The following NXF3 variants were observed in gnomAD, a reference collection of about 807,000 sequenced individuals.
The protein encoded by NXF3 is TAP-like protein 3.
NXF3 carries 34 observed loss-of-function variants against 48.4 expected under a neutral mutation model. The observed-to-expected ratio is 0.70, with a 90% CI of 0.53 to 0.93. NXF3 has a LOEUF of 0.93. NXF3 is among the 40% of genes least tolerant of loss of function. NXF3 has a pLI of 0.00. For synonymous variants in NXF3, 132 were observed against 145.7 expected, an observed-to-expected ratio of 0.91 and a Z score of 0.68; for missense variants, 359 against 406.1, an observed-to-expected ratio of 0.88 and a Z score of 1.00.
intron 1 of NXF3, chrX:103,089,270 G>T: frequency 2.0e-6 from 1 of 494,140 alleles, no homozygotes; most frequent in South Asian, 3.0e-5. Context: ...CCTTGGATTC[G>T]GTTATGTAAA....
rs751020492 is a variant in NXF3 at position 103,088,742 on chromosome X, ACAGT to A, written c.29-3863_29-3860del. ...TTAATATTTGTAGGAAATCTTTTAG[ACAGT>A]CAGCTCACTTAAAAAGACATGAACA... On this transcript the variant is annotated intron_variant, in intron 1 of 19. Transcript: ENST00000395065. 824 of 1,079,139 alleles carry A rather than the reference ACAGT, an allele frequency of 7.6e-4. 4 individuals carry two copies. The African/African-American group carries it at 0.013, about 17-fold the overall frequency. The allele number at this position is 1,079,139 out of a possible 1,213,427, so 88.9% of individuals were successfully genotyped here.
chrX:103,089,164 A>C (rs1278922798), intron 1 of NXF3: 1 of 747,714 alleles, frequency 1.3e-6, no homozygotes, highest in Non-Finnish European at 2.1e-6. Flanking sequence ...AAACTATTTG[A>C]ATGCTCAGTT....
Position 103,093,049 on chromosome X carries a change from C to T in NXF3, c.-26G>A, listed in dbSNP as rs1401547590. 2 of 1,194,244 alleles carry T rather than the reference C, an allele frequency of 1.7e-6. No individual in the cohort carries two copies. Among genetic ancestry groups the T allele is most frequent in the Non-Finnish European group, 2.3e-6 (2 of 880,333 alleles). ...TTTACCAATGTCCTTATAGGGCTCTCTTGAGGAGAATCTGTGTGGCCTGGG... is the reference window on the plus strand; with the variant it reads ...TTTACCAATGTCCTTATAGGGCTCTTTTGAGGAGAATCTGTGTGGCCTGGG... On this transcript the variant is annotated 5_prime_UTR_variant, in exon 1 of 20. Transcript: ENST00000395065.
chrX:103,078,743 A>G, intron 16 of NXF3, 111 bp from the exon 17 acceptor site: 2 of 1,115,539 alleles, frequency 1.8e-6, no homozygotes, highest in Non-Finnish European at 2.5e-6. Flanking sequence ...GGGCCAGACC[A>G]GGACAGTTGT....
chrX:103,083,580 C>T, intron 4 of NXF3, 29 bp downstream of exon 4: 1 of 1,186,040 alleles, frequency 8.4e-7, no homozygotes, highest in Non-Finnish European at 1.1e-6. Flanking sequence ...GTCCTGTTTT[C>T]TCTCGTCTGC....
chrX:103,076,146 A>C, intron 19 of NXF3, 95 bp downstream of exon 19: 1 of 609,004 alleles, frequency 1.6e-6, no homozygotes, highest in Non-Finnish European at 2.8e-6. Flanking sequence ...GAGGAAGTGC[A>C]GGAGGGAGCT....
chrX:103,086,198 A>C (rs1922150934), intron 1 of NXF3, among the ~76,000 whole-genome samples: 1 of 104,096 alleles, frequency 9.6e-6, no homozygotes, highest in Non-Finnish European at 2.0e-5. Flanking sequence ...AGATGGGCGG[A>C]TCATGAGGTC....
intron 3 of NXF3, 111 bp from the exon 4 acceptor site, chrX:103,083,803 GA>G: frequency 2.0e-6 from 1 of 507,475 alleles, no homozygotes; most frequent in Admixed American, 3.3e-5. Flanking sequence ...TTTAAGATAG[GA>G]CAACATCCAT....
Position 103,080,075 on chromosome X carries a change from TAA to T in NXF3, c.997-9_997-8del. ...CAGATCCAAAGAAGCTTCCCTGGAA[TAA>T]AGAGTCCCCAGGACCACAGATGGTA... On this transcript the variant is annotated splice_region_variant and splice_polypyrimidine_tract_variant and intron_variant, in intron 11 of 19. Coordinates refer to ENST00000395065, the MANE Select transcript of NXF3 (RefSeq NM_022052.2). 4 of 1,210,845 alleles carry T rather than the reference TAA, an allele frequency of 3.3e-6. No individual in the cohort carries two copies. The highest frequency in any genetic ancestry group is 4.5e-6 in the Non-Finnish European group (4 of 894,926).
chrX:103,082,916 AC>A, intron 7 of NXF3, 68 bp from the exon 8 acceptor site: 1 of 1,130,068 alleles, frequency 8.8e-7, no homozygotes, highest in Non-Finnish European at 1.2e-6. Flanking sequence ...ATCAGCACTA[AC>A]CCCTCCCCAA....
intron 12 of NXF3, 25 bp from the exon 13 acceptor site, chrX:103,079,895 C>G: frequency 8.4e-7 from 1 of 1,189,557 alleles, no homozygotes; most frequent in Non-Finnish European, 1.1e-6. Context: ...TGAGGACAGG[C>G]TATCTCTGTG....
chrX:103,078,147 T>A (rs924497802), intron 17 of NXF3, among the ~76,000 whole-genome samples: 3 of 111,607 alleles, frequency 2.7e-5, no homozygotes, highest in Non-Finnish European at 5.6e-5. Flanking sequence ...ATTTTAAAAA[T>A]TTTTTTCAAT....
intron 1 of NXF3, among the ~76,000 whole-genome samples, chrX:103,085,221 A>C (rs1922115713): frequency 8.9e-6 from 1 of 111,838 alleles, no homozygotes; most frequent in African/African-American, 3.3e-5. Flanking sequence ...TGCCAAAAAA[A>C]GTTGAAAGAC....
intron 10 of NXF3, 86 bp downstream of exon 10, chrX:103,080,490 C>T: frequency 1.0e-6 from 1 of 956,969 alleles, no homozygotes. Context: ...AAAAATGTAA[C>T]TGGGACAATA....
rs1223363418 is a variant in NXF3 at position 103,080,087 on chromosome X, A to G, written c.997-19T>C. 5.0e-6 allele frequency: 6 copies of G among 1,208,074 alleles called. No homozygotes were observed. Among genetic ancestry groups the G allele is most frequent in the Non-Finnish European group, 6.7e-6 (6 of 893,954 alleles). ...AGCTTCCCTGGAATAAAGAGTCCCC[A>G]GGACCACAGATGGTACCCCCCCTTC... On this transcript the variant is annotated intron_variant, in intron 11 of 19. Transcript: ENST00000395065.
At chrX:103,080,528 C>A (rs1307734100) in intron 10 of NXF3, 48 bp downstream of exon 10, 1 of 1,121,840 alleles carries the variant, frequency 8.9e-7, no homozygotes, top group Non-Finnish European at 1.2e-6. Flanking sequence ...CAGTTGGGGG[C>A]AGCATCAGTC....
chrX:103,087,094 T>C (rs1922175789), intron 1 of NXF3: 1 of 380,915 alleles, frequency 2.6e-6, no homozygotes, highest in African/African-American at 2.6e-5. Flanking sequence ...CACATCGTTT[T>C]AATGGTACTA....
rs371639912 is a variant in NXF3, at chrX:103,083,182, G to C, written c.621+11C>G. The C allele has an allele frequency of 3.3e-6, 4 of 1,207,301 alleles. No individual in the cohort carries two copies. In the East Asian group the frequency reaches 1.2e-4, roughly 36 times the overall value. ...GCTTTGTGTGAACAACTTGCCATGA[G>C]TCTGTGTTACCTTTATCTGCTCCAC... On this transcript the variant is annotated intron_variant, in intron 6 of 19. Transcript: ENST00000395065.
chrX:103,082,762 T>C lies in NXF3; in HGVS notation c.778A>G (p.Thr260Ala), dbSNP rs1188289754. ...SLDVHEENIP[T>A]VMSAGEMDKW... is the part of the protein sequence containing the mutation. ...CCAGCATGAGCCTAAGGCCTCACTG[T>C]AGGTATGTTCTCTTCATGGACGTCC... Residue 260 changes from threonine to alanine, a missense_variant and splice_region_variant, in exon 8 of 20, where the codon ACA becomes GCA. Coordinates refer to ENST00000395065, the MANE Select transcript of NXF3 (RefSeq NM_022052.2). 13 of 1,198,154 alleles carry C rather than the reference T, an allele frequency of 1.1e-5. No homozygotes were observed. The highest frequency in any genetic ancestry group is 1.7e-5 in the African/African-American group (1 of 57,598).
Sources: allele counts gnomAD v4.1 joint callset (sites outside exome capture counted in the v4.1 genomes callset), GRCh38; gene constraint gnomAD v4.1.1; transcripts MANE v1.5; gene names NCBI Gene and HGNC (gene_info 2026-07-23, HGNC 2026-07-21).